The following ADGRV1 variants were observed in gnomAD, a reference collection of about 807,000 sequenced individuals.
ADGRV1 encodes the protein G-protein coupled receptor 98.
Under a neutral mutation model 596.2 loss-of-function variants are expected in ADGRV1, and 359 were observed. The ratio of observed to expected loss-of-function variants is 0.60; its 90% CI spans 0.55 to 0.66. The LOEUF is 0.66. Ranked by LOEUF, ADGRV1 falls within the 30% of genes least tolerant of loss-of-function variation. The pLI is 0.00. For missense variants in ADGRV1, 7,274 were observed against 7,575.6 expected, an observed-to-expected ratio of 0.96 and a Z score of 1.48; for synonymous variants, 2,681 against 2,679.2, an observed-to-expected ratio of 1.00 and a Z score of -0.02.
At chr5:90,567,271 CT>C (rs1298990397) in intron 1 of ADGRV1, among the ~76,000 whole-genome samples, 5 of 151,674 alleles carry the variant, frequency 3.3e-5, no homozygotes, top group Admixed American at 3.3e-4. Context: ...TTTCTTGGTT[CT>C]TTTTTTCCAT....
At chr5:90,777,727 GTT>G (rs1758398616) in intron 61 of ADGRV1, among the ~76,000 whole-genome samples, 176 bp from the exon 62 acceptor site, 1 of 152,146 alleles carries the variant, frequency 6.6e-6, no homozygotes, top group African/African-American at 2.4e-5. Flanking sequence ...TACTTTGGGT[GTT>G]ACTATCTTGG....
chr5:90,643,986 A>C lies in ADGRV1; in HGVS notation c.2734+3A>C. On this transcript the variant is annotated splice_donor_region_variant and intron_variant, in intron 14 of 89. Transcript: ENST00000405460. Reference sequence around the variant, plus strand: ...CAAAGGAGATGCTATCTATAGTGGTAATTTATTCTGTGTCTTATATTGTAT... The same window carrying C: ...CAAAGGAGATGCTATCTATAGTGGTCATTTATTCTGTGTCTTATATTGTAT... 6.4e-7 allele frequency: 1 copy of C among 1,560,172 alleles called. No individual in the cohort carries two copies. Among genetic ancestry groups the C allele is most frequent in the Non-Finnish European group, 8.7e-7 (1 of 1,143,602 alleles).
intron 83 of ADGRV1, among the ~76,000 whole-genome samples, chr5:90,910,988 T>G (rs549410063): frequency 6.6e-6 from 1 of 152,256 alleles, no homozygotes; most frequent in Non-Finnish European, 1.5e-5. Flanking sequence ...AAAAGGAGGA[T>G]GATGTTAACC....
At chr5:90,989,804 C>T (rs990353818) in intron 85 of ADGRV1, among the ~76,000 whole-genome samples, 1 of 152,082 alleles carries the variant, frequency 6.6e-6, no homozygotes, top group Admixed American at 6.6e-5. Flanking sequence ...TGATGTTTCC[C>T]ATGATCTCTT....
In ADGRV1 at chr5:91,163,986, A is replaced by C. The variant is rs1368665557; in HGVS notation, c.*86A>C. 1.4e-6 allele frequency: 1 copy of C among 723,216 alleles called. No individual in the cohort carries two copies. The highest frequency in any genetic ancestry group is 1.5e-5 in the South Asian group (1 of 67,626). The allele number at this position is 723,216 out of a possible 1,614,324, so 44.8% of individuals were successfully genotyped here. The stretch of plus-strand genomic sequence containing the variant: ...CTCTCTAAGTACATCCACCTGTGTA[A>C]TAGGAACCTGTGAATTGTACTGGAT... On this transcript the variant is annotated 3_prime_UTR_variant, in exon 90 of 90. Transcript: ENST00000405460.
chr5:90,657,861 A>G (rs774264467), intron 20 of ADGRV1, 44 bp from the exon 21 acceptor site: 3 of 1,510,788 alleles, frequency 2.0e-6, no homozygotes, highest in Non-Finnish European at 2.7e-6. Context: ...TTAGGACAGG[A>G]CACTTGAAGG....
intron 87 of ADGRV1, among the ~76,000 whole-genome samples, chr5:91,149,235 G>C (rs1406319554): frequency 6.6e-6 from 1 of 152,192 alleles, no homozygotes; most frequent in Non-Finnish European, 1.5e-5. Context: ...GGGGCGGAAT[G>C]ATATGGTTTG....
intron 6 of ADGRV1, among the ~76,000 whole-genome samples, chr5:90,626,877 A>G (rs868093096): frequency 5.3e-5 from 8 of 152,214 alleles, no homozygotes; most frequent in African/African-American, 1.4e-4. Flanking sequence ...AAGCATATCA[A>G]ACTGATAAAA....
At chr5:90,637,585 CA>C in intron 10 of ADGRV1, 139 bp from the exon 11 acceptor site, 1 of 455,650 alleles carries the variant, frequency 2.2e-6, no homozygotes, top group Non-Finnish European at 3.8e-6. Flanking sequence ...TGTTTTAATG[CA>C]TTTAATAGTT....
intron 83 of ADGRV1, among the ~76,000 whole-genome samples, chr5:90,908,140 C>T (rs565407007): frequency 2.0e-4 from 30 of 152,084 alleles, no homozygotes; most frequent in Non-Finnish European, 3.2e-4. Flanking sequence ...CGTGAGCCAC[C>T]GTTTCAGGCC....
In ADGRV1 at chr5:90,683,942, C is replaced by T; in HGVS notation, c.6021C>T (p.Leu2007=). 1 of 1,613,834 alleles carries T rather than the reference C, an allele frequency of 6.2e-7. No individual in the cohort carries two copies. The highest frequency in any genetic ancestry group is 8.5e-7 in the Non-Finnish European group (1 of 1,179,852). ...ITLSIIRLKG[L]MGKVLVSYAT... is the part of the protein sequence containing the mutation. ...TATCAATAATAAGGTTGAAAGGCCT[C>T]ATGGGAAAAGTCCTTGTCTCATATG... Residue 2007 remains leucine, a synonymous_variant, in exon 28 of 90, where the codon CTC becomes CTT. Coordinates refer to ENST00000405460, the MANE Select transcript of ADGRV1 (RefSeq NM_032119.4).
At chr5:90,922,379 T>G (rs1299104490) in intron 83 of ADGRV1, among the ~76,000 whole-genome samples, 1 of 152,204 alleles carries the variant, frequency 6.6e-6, no homozygotes, top group Non-Finnish European at 1.5e-5. Flanking sequence ...ATATGACATG[T>G]GACAGGTATA....
At chr5:90,703,426 T>G (rs2149683738) in intron 34 of ADGRV1, among the ~76,000 whole-genome samples, 1 of 152,286 alleles carries the variant, frequency 6.6e-6, no homozygotes, top group Middle Eastern at 3.4e-3. Flanking sequence ...TAGCATGTGC[T>G]TTTGTAACTT....
chr5:91,065,670 A>C (rs1349387530), intron 85 of ADGRV1, among the ~76,000 whole-genome samples: 1 of 152,188 alleles, frequency 6.6e-6, no homozygotes, highest in Non-Finnish European at 1.5e-5. Context: ...GCCCACATAA[A>C]ATTTTTTTAA....
chr5:90,758,397 C>G (rs757489027), intron 57 of ADGRV1, among the ~76,000 whole-genome samples: 1 of 152,138 alleles, frequency 6.6e-6, no homozygotes, highest in East Asian at 1.9e-4. Context: ...AAAGCAGAAA[C>G]AAATACATTG....
At chr5:90,769,406 T>C (rs781553343) in intron 59 of ADGRV1, among the ~76,000 whole-genome samples, 2 of 152,200 alleles carry the variant, frequency 1.3e-5, no homozygotes, top group Non-Finnish European at 2.9e-5. Flanking sequence ...GAGTAACTTC[T>C]AGAAACTTTG....
Position 90,694,706 on chromosome 5 carries a change from G to A in ADGRV1, c.7945+5G>A, listed in dbSNP as rs1390802866. The A allele has an allele frequency of 9.6e-6, 15 of 1,555,926 alleles. No individual in the cohort carries two copies. Among genetic ancestry groups the A allele is most frequent in the Admixed American group, 1.9e-5 (1 of 51,472 alleles). ...AGATTCTGACCTTTGCTGAAGGTGA[G>A]CAATGGTTCTAAATGAATTTCCGTT... is the stretch of plus-strand genomic sequence containing the variant. On this transcript the variant is annotated splice_donor_5th_base_variant and intron_variant, in intron 33 of 89. Transcript: ENST00000405460.
intron 84 of ADGRV1, among the ~76,000 whole-genome samples, chr5:90,974,009 T>C (rs765144548): frequency 6.6e-6 from 1 of 152,206 alleles, no homozygotes; most frequent in Non-Finnish European, 1.5e-5. Context: ...AGTCTCAGGA[T>C]AGAAAATCAG....
chr5:90,708,998 G>T (rs2149708031), intron 39 of ADGRV1, 89 bp downstream of exon 39: 1 of 878,684 alleles, frequency 1.1e-6, no homozygotes, highest in African/African-American at 1.7e-5. Flanking sequence ...TCATTGTGCT[G>T]TTTTGTTAAT....
Sources: allele counts gnomAD v4.1 joint callset (sites outside exome capture counted in the v4.1 genomes callset), GRCh38; gene constraint gnomAD v4.1.1; transcripts MANE v1.5; gene names NCBI Gene and HGNC (gene_info 2026-07-23, HGNC 2026-07-21).